GRIK2: variants seen among roughly 807,000 people sequenced by gnomAD.
The protein encoded by GRIK2 is glutamate receptor ionotropic, kainate 2.
Under a neutral mutation model 100.3 loss-of-function variants are expected in GRIK2, and 32 were observed. The ratio of observed to expected loss-of-function variants is 0.32; its 90% CI spans 0.24 to 0.43. The LOEUF (loss-of-function observed/expected upper bound fraction) is 0.43. Ranked by LOEUF, GRIK2 falls within the 20% of genes least tolerant of loss-of-function variation. The probability of loss-of-function intolerance (pLI) is 1.00; values close to 1 mark genes in which losing one functional copy is unlikely to be tolerated. For missense variants in GRIK2, 843 were observed against 1,114.9 expected, an observed-to-expected ratio of 0.76 and a Z score of 3.47; for synonymous variants, 417 against 389.4, an observed-to-expected ratio of 1.07 and a Z score of -0.83.
At chr6:101,561,860 G>T (rs1777035507) in intron 2 of GRIK2, among the ~76,000 whole-genome samples, 1 of 152,134 alleles carries the variant, frequency 6.6e-6, no homozygotes, top group Non-Finnish European at 1.5e-5. Context: ...TTTCCAGCAT[G>T]CCTGGGGCAC....
chr6:102,044,054 G>A (rs1444062012), intron 15 of GRIK2, among the ~76,000 whole-genome samples: 1 of 151,796 alleles, frequency 6.6e-6, no homozygotes, highest in Non-Finnish European at 1.5e-5. Flanking sequence ...CATGAAAATG[G>A]GCTCATACAG....
intron 3 of GRIK2, among the ~76,000 whole-genome samples, chr6:101,623,172 T>A (rs1034018362): frequency 4.9e-4 from 74 of 152,030 alleles, no homozygotes; most frequent in African/African-American, 1.8e-3. Context: ...TAGTGCAAAT[T>A]GTTTAAGCTC....
At chr6:101,633,087 A>AT (rs1163977077) in intron 4 of GRIK2, among the ~76,000 whole-genome samples, 1 of 152,098 alleles carries the variant, frequency 6.6e-6, no homozygotes, top group Non-Finnish European at 1.5e-5. Context: ...TGATCAATGG[A>AT]TTTTATAAAA....
intron 12 of GRIK2, among the ~76,000 whole-genome samples, chr6:101,895,907 T>G (rs1296390651): frequency 6.6e-6 from 1 of 151,700 alleles, no homozygotes; most frequent in Non-Finnish European, 1.5e-5. Context: ...CTGTCACATA[T>G]TAAAGTGATT....
At chr6:101,861,091 C>G (rs1467439926) in intron 11 of GRIK2, among the ~76,000 whole-genome samples, 1 of 152,148 alleles carries the variant, frequency 6.6e-6, no homozygotes, top group Non-Finnish European at 1.5e-5. Context: ...GCCTTGAAAA[C>G]ACTGCCTTAA....
At chr6:101,473,129 CTTCCTTCCTTCCTTCCTTCCTTCT>C (rs1279278697) in intron 2 of GRIK2, among the ~76,000 whole-genome samples, 2 of 139,462 alleles carry the variant, frequency 1.4e-5, no homozygotes, top group Non-Finnish European at 3.2e-5. Context: ...TCCTTCCTTC[CTTCCTTCCTTCCTTCCTTCCTTCT>C]TTCCTTCCTT....
intron 10 of GRIK2, among the ~76,000 whole-genome samples, chr6:101,838,410 C>T (rs1275244162): frequency 6.6e-6 from 1 of 151,976 alleles, no homozygotes; most frequent in Admixed American, 6.6e-5. Flanking sequence ...TTGCCTGTAA[C>T]TCTATATATT....
intron 2 of GRIK2, among the ~76,000 whole-genome samples, chr6:101,530,866 A>G (rs181495684): frequency 6.6e-6 from 1 of 152,084 alleles, no homozygotes; most frequent in Admixed American, 6.6e-5. Context: ...GAATGAACAG[A>G]ACTTACAGAC....
chr6:101,551,703 G>T (rs1342503762), intron 2 of GRIK2, among the ~76,000 whole-genome samples: 1 of 152,158 alleles, frequency 6.6e-6, no homozygotes, highest in Admixed American at 6.5e-5. Flanking sequence ...ACCAAAAAGA[G>T]TTCAGCACTG....
intron 6 of GRIK2, among the ~76,000 whole-genome samples, chr6:101,683,178 G>A (rs1306617116): frequency 1.3e-5 from 2 of 151,586 alleles, no homozygotes; most frequent in Non-Finnish European, 2.9e-5. Context: ...TCCAGCCTGG[G>A]CGACAGAGCT....
chr6:101,800,415 C>T (rs943421718), intron 8 of GRIK2, among the ~76,000 whole-genome samples: 3 of 151,740 alleles, frequency 2.0e-5, no homozygotes, highest in East Asian at 3.9e-4. Context: ...AATATGTATA[C>T]GTATATATTT....
intron 16 of GRIK2, among the ~76,000 whole-genome samples, chr6:102,057,750 A>G (rs1771534630): frequency 6.6e-6 from 1 of 151,700 alleles, no homozygotes; most frequent in Non-Finnish European, 1.5e-5. Context: ...CTCCTCTCCA[A>G]TTTGCACCTT....
At chr6:102,005,475 A>G (rs1278898387) in intron 14 of GRIK2, among the ~76,000 whole-genome samples, 1 of 152,060 alleles carries the variant, frequency 6.6e-6, no homozygotes, top group East Asian at 1.9e-4. Context: ...TTCTTGGCCA[A>G]GAAGAACAAT....
At chr6:101,980,706 T>A (rs1306205532) in intron 14 of GRIK2, among the ~76,000 whole-genome samples, 3 of 151,838 alleles carry the variant, frequency 2.0e-5, no homozygotes, top group Non-Finnish European at 4.4e-5. Context: ...AATAAGATCT[T>A]TTCAAGTTTC....
intron 2 of GRIK2, among the ~76,000 whole-genome samples, chr6:101,401,955 A>C (rs1008381572): frequency 6.6e-6 from 1 of 151,824 alleles, no homozygotes; most frequent in Admixed American, 6.6e-5. Context: ...GGCAGCCGCC[A>C]GGCGCCTCCG....
At chr6:101,530,339 C>A (rs185345367) in intron 2 of GRIK2, among the ~76,000 whole-genome samples, 2 of 151,824 alleles carry the variant, frequency 1.3e-5, no homozygotes, top group African/African-American at 4.8e-5. Context: ...TCATTTACAG[C>A]GACTATGAAT....
At chr6:101,864,312 A>G (rs6570995) in intron 11 of GRIK2, among the ~76,000 whole-genome samples, 11,498 of 152,162 alleles carry the variant, frequency 0.076, 1,127 homozygotes, top group African/African-American at 0.23. Context: ...AGTAGGAAAA[A>G]TTTAAATGCT....
intron 9 of GRIK2, among the ~76,000 whole-genome samples, chr6:101,810,394 T>C (rs1036664618): frequency 6.6e-6 from 1 of 152,060 alleles, no homozygotes; most frequent in Non-Finnish European, 1.5e-5. Context: ...GATGATTATA[T>C]ACTTACTGAT....
At chr6:101,502,764 A>G (rs901714641) in intron 2 of GRIK2, among the ~76,000 whole-genome samples, 1 of 152,212 alleles carries the variant, frequency 6.6e-6, no homozygotes, top group Non-Finnish European at 1.5e-5. Flanking sequence ...CAAATAAACA[A>G]TTACAGTTTT....
Sources: allele counts gnomAD v4.1 joint callset (sites outside exome capture counted in the v4.1 genomes callset), GRCh38; gene constraint gnomAD v4.1.1; transcripts MANE v1.5; gene names NCBI Gene and HGNC (gene_info 2026-07-23, HGNC 2026-07-21).